Variants in COBL observed in about 807,000 individuals in gnomAD.
COBL encodes the protein protein cordon-bleu.
Under a neutral mutation model 98.8 loss-of-function variants are expected in COBL, and 51 were observed. The observed-to-expected ratio is 0.52, with a 90% confidence interval of 0.41 to 0.65. The LOEUF (loss-of-function observed/expected upper bound fraction) is 0.65. COBL is among the 30% of genes least tolerant of loss of function. The probability of loss-of-function intolerance (pLI) is 0.00; values close to 1 mark genes in which losing one functional copy is unlikely to be tolerated. For synonymous variants in COBL, 634 were observed against 651.7 expected (o/e 0.97, Z 0.41); for missense variants, 1,617 against 1,617.5 (o/e 1.00, Z 0.01).
At chr7:51,123,250 C>T (rs529519940) in intron 6 of COBL, among the ~76,000 whole-genome samples, 14 of 152,310 alleles carry the variant, frequency 9.2e-5, no homozygotes, top group Non-Finnish European at 1.6e-4. Flanking sequence ...GCTATGCCTA[C>T]AGTAATGGCT....
intron 2 of COBL, among the ~76,000 whole-genome samples, chr7:51,202,386 T>C (rs1321549028): frequency 6.6e-6 from 1 of 152,198 alleles, no homozygotes; most frequent in Non-Finnish European, 1.5e-5. Context: ...TTACAATTGT[T>C]ATATTTTATT....
At chr7:51,202,410 ATTGTCAATCTTTTAC>A (rs1791217755) in intron 2 of COBL, among the ~76,000 whole-genome samples, 1 of 152,192 alleles carries the variant, frequency 6.6e-6, no homozygotes, top group Non-Finnish European at 1.5e-5. Context: ...AAATTGATTC[ATTGTCAATCTTTTAC>A]TATATCCAAT....
chr7:51,256,764 G>A (rs2129143080), intron 1 of COBL, among the ~76,000 whole-genome samples: 1 of 152,268 alleles, frequency 6.6e-6, no homozygotes, highest in South Asian at 2.1e-4. Context: ...ATGATGATAG[G>A]TGCTCTAATG....
At chr7:51,227,979 T>C (rs993837647) in intron 1 of COBL, among the ~76,000 whole-genome samples, 1 of 151,994 alleles carries the variant, frequency 6.6e-6, no homozygotes, top group South Asian at 2.1e-4. Context: ...ATAAAAACAA[T>C]AAATATCACA....
chr7:51,077,394 T>C (rs1171849397), intron 7 of COBL, among the ~76,000 whole-genome samples: 1 of 152,198 alleles, frequency 6.6e-6, no homozygotes, highest in Non-Finnish European at 1.5e-5. Context: ...GTGTGATATT[T>C]ATCAACTCAG....
At chr7:51,032,557 T>C (rs896227444) in intron 8 of COBL, 4 of 152,200 alleles carry the variant, frequency 2.6e-5, no homozygotes, top group African/African-American at 4.8e-5. Flanking sequence ...TTCTGATAAA[T>C]GAGTCTTTCT....
At chr7:51,063,414 C>A (rs976730453) in intron 7 of COBL, among the ~76,000 whole-genome samples, 1 of 152,222 alleles carries the variant, frequency 6.6e-6, no homozygotes, top group Non-Finnish European at 1.5e-5. Context: ...GGATTACAGG[C>A]GTGAGCCACT....
chr7:51,165,329 C>T (rs1298941163), intron 5 of COBL, among the ~76,000 whole-genome samples: 1 of 151,754 alleles, frequency 6.6e-6, no homozygotes, highest in Non-Finnish European at 1.5e-5. Flanking sequence ...TATACTTAGA[C>T]AAAATAGATT....
rs1365623478 is a variant in COBL at position 51,203,318 on chromosome 7, C to T, written c.246-9729G>A. ...TCTACTAAAAATACAAAAAATTAGC[C>T]GGGTGTAGTGGCGGGCGCCTGTAGT... On this transcript the variant is annotated intron_variant, in intron 2 of 12. Transcript: ENST00000265136. 3.5e-4 allele frequency among the ~76,000 whole-genome samples: 44 copies of T among 125,704 alleles called. 3 individuals are homozygous for T. Among genetic ancestry groups the T allele is most frequent in the Admixed American group, 4.6e-4 (6 of 13,086 alleles). 82.5% of individuals were successfully genotyped at this position (125,704 alleles called of 152,430 possible).
In COBL at chr7:51,025,227, AG is replaced by A. The variant is rs761308896; in HGVS notation, c.3649del (p.Leu1217SerfsTer25). On this transcript the variant is annotated frameshift_variant, in exon 12 of 13. Transcript: ENST00000265136. LOFTEE classifies it high-confidence loss of function. ...PPPPPPPSQA[L>X]SAPRTASRFS... ...CCTGGAGGCCGTCCTTGGTGCAGAG[AG>A]AGCCTGGGAGGGTGGAGGGGGTGGT... 8.9e-7 allele frequency: 1 copy of A among 1,122,932 alleles called. No individual in the cohort carries two copies. The highest frequency in any genetic ancestry group is 1.2e-6 in the Non-Finnish European group (1 of 803,548). The allele number at this position is 1,122,932 out of a possible 1,614,324, so 69.6% of individuals were successfully genotyped here.
At chr7:51,224,812 C>T (rs1794024038) in intron 1 of COBL, among the ~76,000 whole-genome samples, 1 of 152,160 alleles carries the variant, frequency 6.6e-6, no homozygotes, top group Non-Finnish European at 1.5e-5. Context: ...TACCCGGCTA[C>T]CAAATTTGCC....
intron 5 of COBL, among the ~76,000 whole-genome samples, chr7:51,170,479 T>C (rs2129042646): frequency 6.8e-6 from 1 of 147,932 alleles, no homozygotes; most frequent in East Asian, 2.0e-4. Context: ...ATAATTAACT[T>C]AGCTCTGAAA....
intron 12 of COBL, among the ~76,000 whole-genome samples, chr7:51,023,581 G>A (rs1345098728): frequency 2.0e-5 from 3 of 152,228 alleles, no homozygotes; most frequent in African/African-American, 7.2e-5. Flanking sequence ...CGCTCAGGCT[G>A]TTCTTGCACA....
chr7:51,076,960 T>C (rs1196492897), intron 7 of COBL, among the ~76,000 whole-genome samples: 1 of 152,224 alleles, frequency 6.6e-6, no homozygotes, highest in African/African-American at 2.4e-5. Context: ...TTAAAATAGA[T>C]AATTCATAAC....
intron 1 of COBL, 159 bp downstream of exon 1, chr7:51,316,434 G>T: frequency 2.2e-6 from 1 of 458,484 alleles, no homozygotes; most frequent in Non-Finnish European, 3.3e-6. Flanking sequence ...CCCAACACCA[G>T]CACCCAACAC....
chr7:51,106,038 CAAA>C (rs527330225), intron 6 of COBL, among the ~76,000 whole-genome samples: 1 of 123,690 alleles, frequency 8.1e-6, no homozygotes, highest in African/African-American at 3.0e-5. Flanking sequence ...ACTAAAAATA[CAAA>C]AAAAAAAAAA....
At chr7:51,242,338 C>T (rs572325726) in intron 1 of COBL, among the ~76,000 whole-genome samples, 110 of 152,296 alleles carry the variant, frequency 7.2e-4, no homozygotes, top group African/African-American at 2.5e-3. Flanking sequence ...GCTGCTTGCT[C>T]GGGTGCACTC....
chr7:51,043,923 G>GATTA (rs1253901309), intron 7 of COBL, among the ~76,000 whole-genome samples: 1 of 152,194 alleles, frequency 6.6e-6, no homozygotes, highest in Non-Finnish European at 1.5e-5. Context: ...ATCAGTATTT[G>GATTA]ATTAATTAGC....
intron 7 of COBL, among the ~76,000 whole-genome samples, chr7:51,074,473 C>A (rs139652430): frequency 1.3e-5 from 2 of 152,072 alleles, no homozygotes; most frequent in Non-Finnish European, 2.9e-5. Context: ...GGATTACAGG[C>A]GTGAAGGTAA....
Sources: allele counts gnomAD v4.1 joint callset (sites outside exome capture counted in the v4.1 genomes callset), GRCh38; gene constraint gnomAD v4.1.1; transcripts MANE v1.5; gene names NCBI Gene and HGNC (gene_info 2026-07-23, HGNC 2026-07-21).